GRID1: variants seen among roughly 807,000 people sequenced by gnomAD.
The protein encoded by GRID1 is glutamate receptor ionotropic, delta-1.
In GRID1, 28 loss-of-function variants were observed where a neutral mutation model predicts 98.0. The observed-to-expected ratio is 0.29, with a 90% confidence interval of 0.21 to 0.39. The LOEUF (loss-of-function observed/expected upper bound fraction) is 0.39, where lower values mean the gene tolerates loss of function less well. GRID1 is among the 10% of genes least tolerant of loss of function. The pLI is 1.00. For synonymous variants in GRID1, 553 were observed against 538.5 expected, an observed-to-expected ratio of 1.03 and a Z score of -0.37; for missense variants, 1,111 against 1,340.5, an observed-to-expected ratio of 0.83 and a Z score of 2.67.
intron 3 of GRID1, among the ~76,000 whole-genome samples, chr10:86,142,475 C>T (rs1307362622): frequency 6.6e-6 from 1 of 152,258 alleles, no homozygotes; most frequent in African/African-American, 2.4e-5. Context: ...CAGGTGGCTT[C>T]TGCAGCCCTG....
chr10:85,987,564 T>C (rs1842626345), intron 4 of GRID1, among the ~76,000 whole-genome samples: 1 of 118,428 alleles, frequency 8.4e-6, no homozygotes, highest in African/African-American at 3.2e-5. Flanking sequence ...CAGCCTTACC[T>C]CTCCCCAGCC....
intron 4 of GRID1, among the ~76,000 whole-genome samples, chr10:85,997,817 T>C (rs1842758282): frequency 6.6e-6 from 1 of 152,106 alleles, no homozygotes; most frequent in African/African-American, 2.4e-5. Flanking sequence ...ACATGTTGCC[T>C]ACAAGAAACT....
intron 8 of GRID1, among the ~76,000 whole-genome samples, chr10:85,835,686 T>C (rs541460336): frequency 1.7e-4 from 26 of 152,292 alleles, no homozygotes; most frequent in African/African-American, 6.3e-4. Context: ...ACCAATAATA[T>C]CTAATTGACA....
intron 13 of GRID1, 27 bp downstream of exon 13, chr10:85,647,175 C>T (rs746735828): frequency 7.5e-6 from 12 of 1,597,296 alleles, no homozygotes; most frequent in South Asian, 4.4e-5. Context: ...TTACAGTGCA[C>T]GTGCCCAAGC....
intron 4 of GRID1, among the ~76,000 whole-genome samples, chr10:86,042,342 G>T (rs1344684613): frequency 6.6e-6 from 1 of 152,232 alleles, no homozygotes; most frequent in East Asian, 1.9e-4. Flanking sequence ...CCAAGAGGAT[G>T]CTGAAGACTG....
intron 4 of GRID1, among the ~76,000 whole-genome samples, chr10:86,121,659 C>T (rs1469725179): frequency 7.7e-6 from 1 of 129,438 alleles, no homozygotes; most frequent in Non-Finnish European, 1.7e-5. Context: ...ACCATGACCA[C>T]AATAATACCA....
intron 8 of GRID1, among the ~76,000 whole-genome samples, chr10:85,806,570 A>G (rs2131741821): frequency 6.6e-6 from 1 of 152,306 alleles, no homozygotes; most frequent in East Asian, 1.9e-4. Flanking sequence ...AAATTTTCAT[A>G]AAATTGTGAT....
chr10:85,948,962 C>A (rs1336333748), intron 4 of GRID1, among the ~76,000 whole-genome samples: 1 of 152,016 alleles, frequency 6.6e-6, no homozygotes, highest in Non-Finnish European at 1.5e-5. Flanking sequence ...GGAACATGAA[C>A]AGAAAAATAC....
At chr10:86,117,942 C>A (rs553346493) in intron 4 of GRID1, among the ~76,000 whole-genome samples, 5 of 152,320 alleles carry the variant, frequency 3.3e-5, no homozygotes, top group African/African-American at 1.2e-4. Context: ...ATCCAGCAAT[C>A]CCACTACTAA....
intron 4 of GRID1, among the ~76,000 whole-genome samples, chr10:85,985,911 G>T (rs1005376758): frequency 1.4e-4 from 21 of 152,160 alleles, no homozygotes; most frequent in African/African-American, 5.1e-4. Flanking sequence ...TACAAATCCT[G>T]ACAAATTTGG....
At chr10:86,361,727 A>G (rs530506185) in intron 2 of GRID1, among the ~76,000 whole-genome samples, 4 of 152,338 alleles carry the variant, frequency 2.6e-5, no homozygotes, top group African/African-American at 9.6e-5. Context: ...ATCAAAATTT[A>G]CATTAAGGTC....
intron 2 of GRID1, among the ~76,000 whole-genome samples, chr10:86,279,902 T>C (rs1012325319): frequency 6.6e-6 from 1 of 152,180 alleles, no homozygotes; most frequent in African/African-American, 2.4e-5. Flanking sequence ...TTTAGCAACA[T>C]TGCTAGATAT....
At chr10:86,224,013 C>A (rs918319396) in intron 2 of GRID1, among the ~76,000 whole-genome samples, 5 of 152,154 alleles carry the variant, frequency 3.3e-5, no homozygotes, top group Non-Finnish European at 7.3e-5. Context: ...AGATGACAGA[C>A]CAAGGACCAG....
chr10:85,868,980 G>A (rs899566616), intron 6 of GRID1, 30 bp downstream of exon 6: 3 of 1,596,684 alleles, frequency 1.9e-6, no homozygotes, highest in Non-Finnish European at 2.6e-6. Flanking sequence ...CTTGGTGGAG[G>A]GGACTGGAGA....
At position 85,599,837 on chromosome 10, in the gene GRID1, A is replaced by G. The variant is rs947302822; in HGVS notation, c.*2436T>C. 7.3e-6 allele frequency: 1 copy of G among 137,534 alleles called. No individual in the cohort carries two copies. The highest frequency in any genetic ancestry group is 1.5e-5 in the Non-Finnish European group (1 of 65,446). The allele number at this position is 137,534 out of a possible 1,614,324, so 8.5% of individuals were successfully genotyped here. ...TATATATATAAACATGGTGAAGAAT[A>G]ACACCATGAGGTGTTAAGGATTTTG... On this transcript the variant is annotated 3_prime_UTR_variant, in exon 16 of 16. Transcript: ENST00000327946.
At chr10:86,031,414 G>C (rs920559603) in intron 4 of GRID1, among the ~76,000 whole-genome samples, 2 of 152,022 alleles carry the variant, frequency 1.3e-5, no homozygotes, top group African/African-American at 4.8e-5. Flanking sequence ...TCAAAAGGGG[G>C]GGCAGGAGGA....
chr10:86,284,881 C>G (rs1564728556), intron 2 of GRID1, among the ~76,000 whole-genome samples: 1 of 152,196 alleles, frequency 6.6e-6, no homozygotes, highest in Non-Finnish European at 1.5e-5. Context: ...TGTGGCCACT[C>G]AGGTCTGGCT....
intron 4 of GRID1, among the ~76,000 whole-genome samples, chr10:85,987,496 C>CAACCTTACCTCCCCCA (rs1842624410): frequency 2.9e-5 from 1 of 34,070 alleles, no homozygotes; most frequent in Non-Finnish European, 5.4e-5. Flanking sequence ...ATCACGCCCC[C>CAACCTTACCTCCCCCA]AGCCTTACCT....
At chr10:85,724,089 A>C (rs549489859) in intron 11 of GRID1, among the ~76,000 whole-genome samples, 1 of 152,194 alleles carries the variant, frequency 6.6e-6, no homozygotes, top group South Asian at 2.1e-4. Context: ...GAGGAGAGAA[A>C]AGTGCAAAGC....
Sources: allele counts gnomAD v4.1 joint callset (sites outside exome capture counted in the v4.1 genomes callset), GRCh38; gene constraint gnomAD v4.1.1; transcripts MANE v1.5; gene names NCBI Gene and HGNC (gene_info 2026-07-23, HGNC 2026-07-21).